Variants in NLRC5 observed in about 807,000 individuals in gnomAD.
The protein encoded by NLRC5 is protein NLRC5.
In NLRC5, 114 loss-of-function variants were observed where a neutral mutation model predicts 206.9. The ratio of observed to expected loss-of-function variants is 0.55; its 90% CI spans 0.47 to 0.64. The LOEUF is 0.64. Among genes scored for constraint, NLRC5 ranks in the 30% least tolerant of loss-of-function variants. NLRC5 has a pLI of 0.00. For synonymous variants in NLRC5, 952 were observed against 962.8 expected, an observed-to-expected ratio of 0.99 and a Z score of 0.21; for missense variants, 2,008 against 2,305.5, an observed-to-expected ratio of 0.87 and a Z score of 2.64.
chr16:57,031,353 T>A, intron 10 of NLRC5, 51 bp from the exon 11 acceptor site: 1 of 1,590,274 alleles, frequency 6.3e-7, no homozygotes, highest in South Asian at 1.1e-5. Context: ...TGGTGGGTGA[T>A]GTGCTGGTTT....
At position 57,040,669 on chromosome 16, in the gene NLRC5, C is replaced by T; in HGVS notation, c.2890C>T (p.Leu964Phe). Residue 964 changes from leucine (L) to phenylalanine (F), a missense_variant, in exon 17 of 49, where the codon CTC becomes TTC. By Grantham distance (22) the Leu-to-Phe change is conservative. Transcript: ENST00000688547. ...PQERAAFLDS[L>F]MLQMPSELPL... ...CTCCAGGGCTGCATTTCTTGACAGC[C>T]TCATGCTCCAGATGCCCTCTGAGCT... 1 of 1,614,194 alleles carries T rather than the reference C, an allele frequency of 6.2e-7. No individual in the cohort carries two copies. The highest frequency in any genetic ancestry group is 8.5e-7 in the Non-Finnish European group (1 of 1,180,024).
intron 11 of NLRC5, among the ~76,000 whole-genome samples, chr16:57,032,445 C>A (rs1329456096): frequency 6.6e-6 from 1 of 151,744 alleles, no homozygotes; most frequent in African/African-American, 2.4e-5. Context: ...CTGCTTAAAG[C>A]TGTGATGCTC....
chr16:57,051,085 C>A (rs1182428635), intron 23 of NLRC5, among the ~76,000 whole-genome samples: 1 of 152,150 alleles, frequency 6.6e-6, no homozygotes, highest in Non-Finnish European at 1.5e-5. Context: ...TCCCAGACTC[C>A]TGACCTCAGA....
At chr16:57,050,400 C>G (rs780047314) in intron 23 of NLRC5, among the ~76,000 whole-genome samples, 2 of 152,230 alleles carry the variant, frequency 1.3e-5, no homozygotes, top group Non-Finnish European at 2.9e-5. Context: ...TACTCCATGC[C>G]TCCCCTCCAA....
chr16:57,042,020 G>A lies in NLRC5; in HGVS notation c.3068G>A (p.Arg1023Gln), dbSNP rs776355382. The change falls in exon 19 of 49, where the codon CGG (arginine) becomes CAG (glutamine). Residue 1023 changes from arginine (R) to glutamine (Q), a missense_variant. Arg to Gln is a conservative substitution (Grantham distance 43). Coordinates refer to ENST00000688547, the MANE Select transcript of NLRC5 (RefSeq NM_001384950.1). ...GNALGDEGAA[R>Q]LAQLLPGLGA... Reference sequence around the variant, plus strand: ...GCTCTGGGGGATGAAGGTGCAGCCCGGCTGGCTCAGCTGCTCCCAGGGCTG... The same window carrying A: ...GCTCTGGGGGATGAAGGTGCAGCCCAGCTGGCTCAGCTGCTCCCAGGGCTG... The A allele has an allele frequency of 8.3e-6, 13 of 1,574,934 alleles. No individual in the cohort carries two copies. Among genetic ancestry groups the A allele is most frequent in the African/African-American group, 2.8e-5 (2 of 72,686 alleles).
At chr16:57,066,641 G>A in intron 34 of NLRC5, 27 bp downstream of exon 34, 2 of 1,595,632 alleles carry the variant, frequency 1.3e-6, no homozygotes, top group Non-Finnish European at 1.7e-6. Context: ...GGGACCCCAA[G>A]GCAGGGGCTG....
At chr16:57,028,037 C>G (rs1250740041) in intron 6 of NLRC5, 35 bp from the exon 7 acceptor site, 2 of 1,542,624 alleles carry the variant, frequency 1.3e-6, no homozygotes. Context: ...CTGCCCAGCA[C>G]TGATCCTCTG....
chr16:57,058,232 G>A lies in NLRC5; in HGVS notation c.3830+84G>A, dbSNP rs2065944795. 4.4e-6 allele frequency: 5 copies of A among 1,137,368 alleles called. No individual in the cohort carries two copies. In the African/African-American group the frequency reaches 4.6e-5, roughly 10 times the overall value. The allele number at this position is 1,137,368 out of a possible 1,614,324, so 70.5% of individuals were successfully genotyped here. On this transcript the variant is annotated intron_variant, in intron 28 of 48. Coordinates refer to ENST00000688547, the MANE Select transcript of NLRC5 (RefSeq NM_001384950.1). ...AGCATGATGGGGGCTCCTTCTGAGG[G>A]CATCCCCCAGAGCACCAGAGGACAA...
intron 38 of NLRC5, among the ~76,000 whole-genome samples, chr16:57,073,481 C>T (rs886393699): frequency 1.3e-5 from 2 of 152,186 alleles, no homozygotes; most frequent in African/African-American, 4.8e-5. Flanking sequence ...ACTGACACTT[C>T]CAGTTTGCTT....
intron 1 of NLRC5, among the ~76,000 whole-genome samples, chr16:56,995,372 T>C (rs1567495978): frequency 6.6e-6 from 1 of 152,224 alleles, no homozygotes; most frequent in Non-Finnish European, 1.5e-5. Context: ...CATCCAGGCG[T>C]AAGCAACGCC....
chr16:57,025,360 C>T lies in NLRC5; in HGVS notation c.425-8C>T. The T allele has an allele frequency of 1.3e-6, 2 of 1,530,688 alleles. No individual in the cohort carries two copies. Among genetic ancestry groups the T allele is most frequent in the East Asian group, 4.5e-5 (2 of 44,186 alleles). The allele number at this position is 1,530,688 out of a possible 1,614,324, so 94.8% of individuals were successfully genotyped here. A position where few individuals can be genotyped will look rare whatever the true frequency, so the allele number is the denominator to read the frequency against. On this transcript the variant is annotated splice_region_variant and splice_polypyrimidine_tract_variant and intron_variant, in intron 5 of 48. Coordinates refer to ENST00000688547, the MANE Select transcript of NLRC5 (RefSeq NM_001384950.1). ...CCTCTCCTCATGCCATGTCCCTGCCCCTTGCAGAGTTGGCCAAGAAGTACC... is the reference window on the plus strand; with the variant it reads ...CCTCTCCTCATGCCATGTCCCTGCCTCTTGCAGAGTTGGCCAAGAAGTACC...
At chr16:57,039,528 GTAGACAACA>G (rs1397362518) in intron 15 of NLRC5, among the ~76,000 whole-genome samples, 1 of 151,368 alleles carries the variant, frequency 6.6e-6, no homozygotes, top group Non-Finnish European at 1.5e-5. Context: ...CGAGACCAGA[GTAGACAACA>G]TAGACTGTCT....
intron 27 of NLRC5, among the ~76,000 whole-genome samples, chr16:57,057,379 G>A (rs768950403): frequency 3.9e-5 from 6 of 152,212 alleles, no homozygotes; most frequent in African/African-American, 7.2e-5. Context: ...AGCCAAGATC[G>A]TGCCATTGCA....
intron 1 of NLRC5, among the ~76,000 whole-genome samples, chr16:57,007,377 T>C (rs375290571): frequency 1.3e-5 from 2 of 152,230 alleles, no homozygotes; most frequent in East Asian, 3.8e-4. Context: ...TTAGTTCTAA[T>C]GTATTATATT....
intron 1 of NLRC5, among the ~76,000 whole-genome samples, chr16:56,998,035 A>G (rs115967893): frequency 6.8e-4 from 103 of 152,064 alleles, no homozygotes; most frequent in African/African-American, 2.4e-3. Flanking sequence ...GTGAGACCCA[A>G]AACCAAGGCT....
In NLRC5 at chr16:56,997,971, C is replaced by T. The variant is rs369834869; in HGVS notation, c.-128+8354C>T. On this transcript the variant is annotated intron_variant, in intron 1 of 48. Coordinates refer to ENST00000688547, the MANE Select transcript of NLRC5 (RefSeq NM_001384950.1). ...GCTTGACATATACACAAACCATGGC[C>T]CAAAGGGAGCTGGGACTTGTCCGGA... Among the ~76,000 whole-genome samples, 9 of 152,208 alleles carry T rather than the reference C, an allele frequency of 5.9e-5. No individual in the cohort carries two copies. The South Asian group carries it at 1.0e-3, about 18-fold the overall frequency.
At chr16:57,037,142 G>A (rs924390555) in intron 14 of NLRC5, 53 bp from the exon 15 acceptor site, 3 of 1,454,494 alleles carry the variant, frequency 2.1e-6, no homozygotes, top group Non-Finnish European at 2.9e-6. Context: ...GAGCTGGCTG[G>A]GGCTGGGTAC....
At chr16:57,009,462 G>A (rs754639947) in intron 1 of NLRC5, among the ~76,000 whole-genome samples, 48 of 150,894 alleles carry the variant, frequency 3.2e-4, no homozygotes, top group Admixed American at 2.6e-3. Context: ...GCATGGTGGC[G>A]TGTGCCTGTG....
chr16:57,030,579 G>C (rs190855409), intron 10 of NLRC5, among the ~76,000 whole-genome samples: 11 of 151,706 alleles, frequency 7.3e-5, no homozygotes, highest in Admixed American at 7.2e-4. Context: ...TGGATGGATA[G>C]ATGGCTAGCT....
Sources: allele counts gnomAD v4.1 joint callset (sites outside exome capture counted in the v4.1 genomes callset), GRCh38; gene constraint gnomAD v4.1.1; transcripts MANE v1.5; gene names NCBI Gene and HGNC (gene_info 2026-07-23, HGNC 2026-07-21).